The following XPO7 variants were observed in gnomAD, a reference collection of about 807,000 sequenced individuals.
XPO7 encodes the protein exportin-7.
In XPO7, 21 loss-of-function variants were observed where a neutral mutation model predicts 144.3. The ratio of observed to expected loss-of-function variants is 0.15; its 90% CI spans 0.10 to 0.21. The LOEUF (loss-of-function observed/expected upper bound fraction) is 0.21. Ranked by LOEUF, XPO7 falls within the 10% of genes least tolerant of loss-of-function variation. XPO7 has a pLI of 1.00. For missense variants in XPO7, 808 were observed against 1,325.8 expected, an observed-to-expected ratio of 0.61 and a Z score of 6.06; for synonymous variants, 580 against 499.6, an observed-to-expected ratio of 1.16 and a Z score of -2.15.
intron 1 of XPO7, among the ~76,000 whole-genome samples, chr8:21,925,361 G>A (rs918687028): frequency 4.6e-5 from 7 of 152,186 alleles, no homozygotes; most frequent in Non-Finnish European, 1.0e-4. Flanking sequence ...TTAAGAGAAG[G>A]CAGAATTGGA....
chr8:21,986,655 CTG>C (rs1271295010), intron 13 of XPO7, among the ~76,000 whole-genome samples: 1 of 152,156 alleles, frequency 6.6e-6, no homozygotes, highest in Non-Finnish European at 1.5e-5. Flanking sequence ...GAGTTCAATA[CTG>C]TGTGTGTCAT....
intron 24 of XPO7, among the ~76,000 whole-genome samples, chr8:22,000,636 G>A (rs1813110104): frequency 1.3e-5 from 2 of 151,860 alleles, no homozygotes; most frequent in Admixed American, 1.3e-4. Context: ...TGTATTTTTA[G>A]TAGAGACGGA....
rs151295910 is a variant in XPO7, at chr8:21,984,974, A to T, written c.1471+135A>T. 309 of 894,514 alleles carry T rather than the reference A, an allele frequency of 3.5e-4. 2 individuals carry two copies. The East Asian group carries it at 8.0e-3, about 23-fold the overall frequency. The allele number at this position is 894,514 out of a possible 1,614,324, so 55.4% of individuals were successfully genotyped here. A position where few individuals can be genotyped will look rare whatever the true frequency, so the allele number is the denominator to read the frequency against. ...ATCTGTTGTCTCCATATGCACAAGA[A>T]TCTTTATGAATGAATAAATCCCTCA... On this transcript the variant is annotated intron_variant, in intron 12 of 27. Coordinates refer to ENST00000252512, the MANE Select transcript of XPO7 (RefSeq NM_015024.5).
Position 21,987,148 on chromosome 8 carries a change from C to CA in XPO7, c.1586dup (p.Leu530AlafsTer14). ...TTGCTCCTCTTCCTCCAGGGTGCTC[C>CA]AGCTGATGAACCTAACAGATTCTCG... On this transcript the variant is annotated frameshift_variant, in exon 14 of 28. Transcript: ENST00000252512. LOFTEE classifies it high-confidence loss of function. 1 of 1,613,910 alleles carries CA rather than the reference C, an allele frequency of 6.2e-7. No individual in the cohort carries two copies. Among genetic ancestry groups the CA allele is most frequent in the Non-Finnish European group, 8.5e-7 (1 of 1,179,894 alleles).
At position 21,974,607 on chromosome 8, in the gene XPO7, CT is replaced by C. The variant is rs1302367004; in HGVS notation, c.493-62del. On this transcript the variant is annotated intron_variant, in intron 5 of 27. Transcript: ENST00000252512. The stretch of plus-strand genomic sequence containing the variant: ...GAAATCCTTCTAGCTTATAGGAAGT[CT>C]ACATGAAAAATTCTTTTTTTGCAAT... 4.3e-6 allele frequency: 5 copies of C among 1,149,730 alleles called. No individual in the cohort carries two copies. In the African/African-American group the frequency reaches 7.9e-5, roughly 18 times the overall value. 71.2% of individuals were successfully genotyped at this position (1,149,730 alleles called of 1,614,324 possible). A position where few individuals can be genotyped will look rare whatever the true frequency, so the allele number is the denominator to read the frequency against.
intron 7 of XPO7, 39 bp downstream of exon 7, chr8:21,976,560 T>C (rs1665246067): frequency 6.3e-7 from 1 of 1,585,002 alleles, no homozygotes; most frequent in South Asian, 1.2e-5. Context: ...TGTCTGTCAC[T>C]CCCCTACAGA....
chr8:21,949,573 C>T (rs891629193), intron 1 of XPO7, among the ~76,000 whole-genome samples: 2 of 152,158 alleles, frequency 1.3e-5, no homozygotes, highest in African/African-American at 4.8e-5. Flanking sequence ...TTTAGAAGAG[C>T]AATATGGTGA....
chr8:21,974,837 C>T (rs914627080), intron 6 of XPO7, 63 bp downstream of exon 6: 65 of 1,318,686 alleles, frequency 4.9e-5, no homozygotes, highest in Non-Finnish European at 6.5e-5. Flanking sequence ...TGGATGGGAA[C>T]TTGTTAAATG....
At chr8:21,964,705 A>T (rs1811829049) in intron 1 of XPO7, among the ~76,000 whole-genome samples, 1 of 152,182 alleles carries the variant, frequency 6.6e-6, no homozygotes, top group East Asian at 1.9e-4. Context: ...CTGAGCTGAG[A>T]ACTCATTACC....
intron 1 of XPO7, among the ~76,000 whole-genome samples, chr8:21,954,101 A>G (rs1811458948): frequency 6.6e-6 from 1 of 152,134 alleles, no homozygotes; most frequent in African/African-American, 2.4e-5. Context: ...CTGATAATAA[A>G]CCTAAGTACA....
At position 22,005,762 on chromosome 8, in the gene XPO7, C is replaced by T. The variant is rs1813309600; in HGVS notation, c.*674C>T. 1 of 152,252 alleles carries T rather than the reference C, an allele frequency of 6.6e-6. No homozygotes were observed. Among genetic ancestry groups the T allele is most frequent in the South Asian group, 2.1e-4 (1 of 4,834 alleles). The allele number at this position is 152,252 out of a possible 1,614,324, so 9.4% of individuals were successfully genotyped here. Reference sequence around the variant, plus strand: ...ACTCTAAGCCATGCCAGAACACCGTCCCTCCCCTTGGACCGTGTAGATTCT... The same window carrying T: ...ACTCTAAGCCATGCCAGAACACCGTTCCTCCCCTTGGACCGTGTAGATTCT... On this transcript the variant is annotated 3_prime_UTR_variant, in exon 28 of 28. Transcript: ENST00000252512.
At chr8:21,952,992 C>T (rs1282904439) in intron 1 of XPO7, among the ~76,000 whole-genome samples, 2 of 152,148 alleles carry the variant, frequency 1.3e-5, no homozygotes, top group Non-Finnish European at 2.9e-5. Flanking sequence ...GTACAGAGTT[C>T]TCACATACCC....
chr8:21,945,144 G>A (rs1393461777), intron 1 of XPO7, among the ~76,000 whole-genome samples: 5 of 152,150 alleles, frequency 3.3e-5, no homozygotes, highest in Non-Finnish European at 4.4e-5. Context: ...ACGGGGTGGC[G>A]GCCGGGCAGA....
rs1212043271 is a variant in XPO7 at position 21,981,829 on chromosome 8, C to T, written c.1056C>T (p.Tyr352=). The change falls in exon 10 of 28, where the codon TAC becomes TAT. Residue 352 remains tyrosine, a synonymous_variant. Transcript: ENST00000252512. ...GAGAATTGGTAAAGGTGGAAAACTA[C>T]CCTGAGGTCATCCGATTGATAGCCA... ...QLGELVKVEN[Y]PEVIRLIANF... 3.7e-6 allele frequency: 6 copies of T among 1,613,968 alleles called. No homozygotes were observed. Among genetic ancestry groups the T allele is most frequent in the Non-Finnish European group, 4.2e-6 (5 of 1,179,870 alleles).
At chr8:21,920,249 G>A (rs550190715) in intron 1 of XPO7, among the ~76,000 whole-genome samples, 133 of 152,158 alleles carry the variant, frequency 8.7e-4, no homozygotes, top group Non-Finnish European at 1.5e-3. Context: ...TCGCTCTCCG[G>A]AGTCTTTCCC....
chr8:21,947,879 C>G (rs1811243476), intron 1 of XPO7, among the ~76,000 whole-genome samples: 1 of 152,104 alleles, frequency 6.6e-6, no homozygotes, highest in Admixed American at 6.5e-5. Context: ...GTTGTATGTG[C>G]TTTGTGAAAT....
At chr8:21,932,253 G>A (rs1810677070) in intron 1 of XPO7, among the ~76,000 whole-genome samples, 1 of 152,164 alleles carries the variant, frequency 6.6e-6, no homozygotes, top group Non-Finnish European at 1.5e-5. Context: ...AGATCATACA[G>A]CAGTATAAAC....
chr8:21,953,224 G>GCTCTGC (rs1172909883), intron 1 of XPO7, among the ~76,000 whole-genome samples: 1 of 152,024 alleles, frequency 6.6e-6, no homozygotes, highest in East Asian at 1.9e-4. Flanking sequence ...CATCCCCTGT[G>GCTCTGC]CTCTGCCTCT....
At position 21,977,772 on chromosome 8, in the gene XPO7, T is replaced by C; in HGVS notation, c.766T>C (p.Phe256Leu). ...TCTTTTGTCTTTTTCTTCCCCAGCCTTCTTAGATTCTTCAACCTTGCAGCT... is the reference window on the plus strand; with the variant it reads ...TCTTTTGTCTTTTTCTTCCCCAGCCCTCTTAGATTCTTCAACCTTGCAGCT... ...VQIPTSWRSA[F>L]LDSSTLQLFF... Residue 256 changes from phenylalanine (F) to leucine (L), a missense_variant and splice_region_variant, in exon 8 of 28, where the codon TTC becomes CTC. This residue lies in a region of XPO7 where 223 missense variants were observed against 368.8 expected (regional missense o/e 0.60). Coordinates refer to ENST00000252512, the MANE Select transcript of XPO7 (RefSeq NM_015024.5). 6.2e-7 allele frequency: 1 copy of C among 1,613,948 alleles called. No individual in the cohort carries two copies. The highest frequency in any genetic ancestry group is 8.5e-7 in the Non-Finnish European group (1 of 1,179,858).
Sources: gnomAD v4.1 joint callset for allele counts (sites outside exome capture counted in the v4.1 genomes callset) on GRCh38, gnomAD v4.1.1 for gene constraint, gnomAD v4.1.1 regional missense constraint, MANE v1.5 for transcripts, NCBI Gene and HGNC (gene_info 2026-07-23, HGNC 2026-07-21) for gene names.